STAU2: variants seen among roughly 807,000 people sequenced by gnomAD.
STAU2 encodes the protein double-stranded RNA-binding protein Staufen homolog 2.
In STAU2, 20 loss-of-function variants were observed where a neutral mutation model predicts 65.9. The ratio of observed to expected loss-of-function variants is 0.30; its 90% confidence interval spans 0.21 to 0.44. The LOEUF is 0.44. STAU2 is among the 20% of genes least tolerant of loss of function. The pLI, the probability that STAU2 is intolerant of heterozygous loss-of-function variation, is 1.00. For missense variants in STAU2, 558 were observed against 683.9 expected (o/e 0.82, Z 2.05); for synonymous variants, 232 against 233.9 (o/e 0.99, Z 0.07).
chr8:73,571,622 C>G (rs1809096112), intron 12 of STAU2, among the ~76,000 whole-genome samples: 2 of 152,180 alleles, frequency 1.3e-5, no homozygotes, highest in African/African-American at 4.8e-5. Flanking sequence ...TACATGGAAA[C>G]TGAACAACCT....
In STAU2 at chr8:73,654,637, C is replaced by CAAAAAAAAAAAAAAAAAAAAAAAA. The variant is rs71269928; in HGVS notation, c.410+18446_410+18469dup. ...CCTAGATGACAGAACAAGATTGTCTCAAAAAAAAAAAAAAAAAAAAAAAAG... is the reference window on the plus strand; with the variant it reads ...CCTAGATGACAGAACAAGATTGTCTCAAAAAAAAAAAAAAAAAAAAAAAAAAAAAAAAAAAAAAAAAAAAAAAAG... On this transcript the variant is annotated intron_variant, in intron 6 of 14. Coordinates refer to ENST00000524300, the MANE Select transcript of STAU2 (RefSeq NM_001164380.2). 5.3e-4 allele frequency among the ~76,000 whole-genome samples: 14 copies of CAAAAAAAAAAAAAAAAAAAAAAAA among 26,304 alleles called. 3 individuals are homozygous for CAAAAAAAAAAAAAAAAAAAAAAAA. The highest frequency in any genetic ancestry group is 9.4e-4 in the African/African-American group (7 of 7,426). 17.3% of individuals were successfully genotyped at this position (26,304 alleles called of 152,430 possible). A position where few individuals can be genotyped will look rare whatever the true frequency, so the allele number is the denominator to read the frequency against.
chr8:73,444,172 C>T (rs548572252), intron 13 of STAU2, among the ~76,000 whole-genome samples: 9 of 152,180 alleles, frequency 5.9e-5, no homozygotes, highest in East Asian at 3.9e-4. Context: ...TTTGGAAGGC[C>T]GAGGCGGGCA....
chr8:73,496,637 A>G (rs886608195), intron 13 of STAU2, among the ~76,000 whole-genome samples: 1 of 151,836 alleles, frequency 6.6e-6, no homozygotes, highest in African/African-American at 2.4e-5. Context: ...CCACATCTAA[A>G]AAGTAAAAAG....
intron 4 of STAU2, among the ~76,000 whole-genome samples, chr8:73,703,034 T>C (rs1474632198): frequency 1.3e-5 from 2 of 152,230 alleles, no homozygotes; most frequent in Non-Finnish European, 2.9e-5. Flanking sequence ...CTGACACTCT[T>C]ATTACCAAAG....
At chr8:73,487,058 C>A (rs1189948053) in intron 13 of STAU2, among the ~76,000 whole-genome samples, 2 of 152,066 alleles carry the variant, frequency 1.3e-5, no homozygotes, top group Non-Finnish European at 2.9e-5. Flanking sequence ...CCCTTTCTCA[C>A]TGGCCATTGA....
At chr8:73,695,630 G>C (rs1213765155) in intron 4 of STAU2, among the ~76,000 whole-genome samples, 5 of 152,156 alleles carry the variant, frequency 3.3e-5, no homozygotes, top group African/African-American at 1.2e-4. Context: ...CTCAGCCACA[G>C]CAGGAAGAGC....
At chr8:73,740,567 T>C (rs1806780180) in intron 1 of STAU2, among the ~76,000 whole-genome samples, 1 of 152,112 alleles carries the variant, frequency 6.6e-6, no homozygotes, top group African/African-American at 2.4e-5. Context: ...AGTATCTCAT[T>C]AAAAAAATAC....
At chr8:73,605,307 CTTTTT>C (rs760108756) in intron 9 of STAU2, among the ~76,000 whole-genome samples, 1 of 124,030 alleles carries the variant, frequency 8.1e-6, no homozygotes, top group African/African-American at 3.1e-5. Flanking sequence ...GGCTTTTTTC[CTTTTT>C]TTTTTTTTTT....
intron 13 of STAU2, among the ~76,000 whole-genome samples, chr8:73,487,488 C>G (rs1422232838): frequency 6.6e-6 from 1 of 152,048 alleles, no homozygotes; most frequent in African/African-American, 2.4e-5. Flanking sequence ...ACTTCTTTCT[C>G]CTTTTTCACA....
chr8:73,451,885 G>C (rs550300297), intron 13 of STAU2, among the ~76,000 whole-genome samples: 49 of 152,362 alleles, frequency 3.2e-4, no homozygotes, highest in African/African-American at 1.1e-3. Flanking sequence ...AAAACCCAGA[G>C]CTGGAGTTAA....
intron 13 of STAU2, among the ~76,000 whole-genome samples, chr8:73,482,774 T>G (rs974838326): frequency 3.3e-5 from 5 of 152,120 alleles, no homozygotes; most frequent in African/African-American, 1.2e-4. Flanking sequence ...TATAGTTTGT[T>G]AATTGATTGA....
At chr8:73,586,106 G>A (rs77143027) in intron 11 of STAU2, among the ~76,000 whole-genome samples, 3,334 of 152,254 alleles carry the variant, frequency 0.022, 52 homozygotes, top group Non-Finnish European at 0.032. Context: ...ACAAATATAG[G>A]AGGCAACAGC....
At chr8:73,571,483 TCA>T (rs1382601828) in intron 12 of STAU2, among the ~76,000 whole-genome samples, 2 of 152,072 alleles carry the variant, frequency 1.3e-5, no homozygotes, top group Admixed American at 6.6e-5. Flanking sequence ...CCAAAATTGA[TCA>T]CAGAGTTGGA....
At chr8:73,613,982 A>G in intron 8 of STAU2, 26 bp from the exon 9 acceptor site, 1 of 1,533,496 alleles carries the variant, frequency 6.5e-7, no homozygotes, top group Non-Finnish European at 8.8e-7. Context: ...AAAATATTAA[A>G]TAATGGATAG....
chr8:73,627,490 T>C (rs1813774294), intron 6 of STAU2, among the ~76,000 whole-genome samples: 1 of 152,152 alleles, frequency 6.6e-6, no homozygotes. Flanking sequence ...TTCCTGAATA[T>C]CAACTTTGTA....
intron 6 of STAU2, among the ~76,000 whole-genome samples, chr8:73,662,215 T>C (rs1284411556): frequency 6.6e-6 from 1 of 152,232 alleles, no homozygotes; most frequent in Non-Finnish European, 1.5e-5. Flanking sequence ...TCAAAAATAT[T>C]GTCCATTTTT....
At chr8:73,454,049 T>C (rs1818937259) in intron 13 of STAU2, among the ~76,000 whole-genome samples, 2 of 148,632 alleles carry the variant, frequency 1.3e-5, no homozygotes, top group African/African-American at 2.6e-5. Flanking sequence ...ATTCTAAATA[T>C]ATTTTTTACA....
chr8:73,636,630 G>T (rs1814535887), intron 6 of STAU2, among the ~76,000 whole-genome samples: 1 of 151,878 alleles, frequency 6.6e-6, no homozygotes, highest in South Asian at 2.1e-4. Flanking sequence ...TGGTAGGCTG[G>T]GGTGGGTGGG....
At chr8:73,539,041 A>G (rs942788095) in intron 13 of STAU2, among the ~76,000 whole-genome samples, 3 of 152,196 alleles carry the variant, frequency 2.0e-5, no homozygotes, top group Non-Finnish European at 4.4e-5. Context: ...TTTGATGGAG[A>G]GTCAGGAGAG....
Sources: allele counts gnomAD v4.1 joint callset (sites outside exome capture counted in the v4.1 genomes callset), GRCh38; gene constraint gnomAD v4.1.1; transcripts MANE v1.5; gene names NCBI Gene and HGNC (gene_info 2026-07-23, HGNC 2026-07-21).